Variants in GABBR1 observed in about 807,000 individuals in gnomAD.
GABBR1 encodes the protein gamma-aminobutyric acid type B receptor subunit 1.
GABBR1 carries 35 observed loss-of-function variants against 117.7 expected under a neutral mutation model. The observed-to-expected ratio is 0.30, with a 90% CI of 0.23 to 0.39. GABBR1 has a LOEUF of 0.39. Ranked by LOEUF, GABBR1 falls within the 10% of genes least tolerant of loss-of-function variation. The pLI is 1.00. For missense variants in GABBR1, 709 were observed against 1,241.8 expected (o/e 0.57, Z 6.45); for synonymous variants, 442 against 486.6 (o/e 0.91, Z 1.21).
rs1263597375 is a variant in GABBR1 at position 29,622,525 on chromosome 6, G to C, written c.964-320C>G. Reference sequence around the variant, plus strand: ...CATAAAGGAACCAGGAAAAGACAAGGCAAGGACTGGGACAGACAGCATGAT... The same window carrying C: ...CATAAAGGAACCAGGAAAAGACAAGCCAAGGACTGGGACAGACAGCATGAT... On this transcript the variant is annotated intron_variant, in intron 8 of 22. Coordinates refer to ENST00000377034, the MANE Select transcript of GABBR1 (RefSeq NM_001470.4). This position sits in a 1 kb window ranked among gnomAD's most constrained non-coding sequence, Gnocchi z 4.6. The C allele has an allele frequency of 1.4e-5, 5 of 362,374 alleles. No homozygotes were observed. The highest frequency in any genetic ancestry group is 1.0e-4 in the East Asian group (2 of 19,906). The allele number at this position is 362,374 out of a possible 1,614,324, so 22.4% of individuals were successfully genotyped here.
Position 29,630,310 on chromosome 6 carries a change from G to C in GABBR1, c.475+148C>G. The stretch of plus-strand genomic sequence containing the variant: ...AAGAGGAAGTTTGAGGCAGGTGATG[G>C]AGGAAAAAGGGACTTTCATCTCCCC... On this transcript the variant is annotated intron_variant, in intron 4 of 22. Transcript: ENST00000377034. This position sits in a 1 kb window ranked among gnomAD's most constrained non-coding sequence, Gnocchi z 4.9. 3.0e-6 allele frequency: 2 copies of C among 658,952 alleles called. No individual in the cohort carries two copies. Among genetic ancestry groups the C allele is most frequent in the Non-Finnish European group, 5.1e-6 (2 of 392,834 alleles). 40.8% of individuals were successfully genotyped at this position (658,952 alleles called of 1,614,324 possible).
chr6:29,612,222 T>A (rs2057009), intron 13 of GABBR1, among the ~76,000 whole-genome samples: 25,089 of 150,568 alleles, frequency 0.17, 2,365 homozygotes, highest in Middle Eastern at 0.34. Context: ...CATGTTGGTC[T>A]GGCTGGTCTC....
chr6:29,613,663 G>A lies in GABBR1; in HGVS notation c.1324-178C>T, dbSNP rs1014841511. On this transcript the variant is annotated intron_variant, in intron 11 of 22. Transcript: ENST00000377034. This position sits in a 1 kb window ranked among gnomAD's most constrained non-coding sequence, Gnocchi z 4.1. ...TATACCCATGTGTCTGCCTTAGATC[G>A]GAAGCTACTAGACTAGAGTAGGTAT... Among the ~76,000 whole-genome samples the A allele has an allele frequency of 6.6e-6, 1 of 152,178 alleles. No individual in the cohort carries two copies. The highest frequency in any genetic ancestry group is 1.5e-5 in the Non-Finnish European group (1 of 68,028).
intron 11 of GABBR1, among the ~76,000 whole-genome samples, chr6:29,614,561 A>ACTGGGCTTTGAAGGAGC (rs1165925371): frequency 6.6e-6 from 1 of 152,240 alleles, no homozygotes; most frequent in Non-Finnish European, 1.5e-5. Flanking sequence ...TTGCTACTAC[A>ACTGGGCTTTGAAGGAGC]CTGGGCTTTG....
chr6:29,606,759 G>A lies in GABBR1; in HGVS notation c.2217+138C>T. 1 of 720,966 alleles carries A rather than the reference G, an allele frequency of 1.4e-6. No homozygotes were observed. The highest frequency in any genetic ancestry group is 2.3e-6 in the Non-Finnish European group (1 of 432,306). 44.7% of individuals were successfully genotyped at this position (720,966 alleles called of 1,614,324 possible). On this transcript the variant is annotated intron_variant, in intron 18 of 22. Transcript: ENST00000377034. This position sits in a 1 kb window ranked among gnomAD's most constrained non-coding sequence, Gnocchi z 4.5. ...CCTATGAGGGGCTCCTTCTAGGAAG[G>A]AAAGGAAGAGCTTCCAATACGAGGA...
chr6:29,605,695 G>A lies in GABBR1; in HGVS notation c.2313C>T (p.Gly771=), dbSNP rs1051840475. Residue 771 remains glycine, a splice_region_variant and synonymous_variant, in exon 20 of 23, where the codon GGC becomes GGT. Transcript: ENST00000377034. This position sits in a 1 kb window ranked among gnomAD's most constrained non-coding sequence, Gnocchi z 4.2. ...GCAGCCCCTTGTAACCATAGAAAAT[G>A]CCTAGGATGGCAGGAGAGAGTCACT... ...CSSRKMNTWL[G]IFYGYKGLLL... 6.2e-7 allele frequency: 1 copy of A among 1,612,036 alleles called. No homozygotes were observed. Among genetic ancestry groups the A allele is most frequent in the Non-Finnish European group, 8.5e-7 (1 of 1,179,944 alleles).
In GABBR1 at chr6:29,609,256, G is replaced by A; in HGVS notation, c.1832C>T (p.Ser611Phe). The change falls in exon 15 of 23, where the codon TCC becomes TTC. Residue 611 changes from serine to phenylalanine, a missense_variant. Physicochemically the swap from Ser to Phe is radical, Grantham distance 155. This residue lies in a region of GABBR1 where 251 missense variants were observed against 445.3 expected (regional missense o/e 0.56). Coordinates refer to ENST00000377034, the MANE Select transcript of GABBR1 (RefSeq NM_001470.4). This position sits in a 1 kb window ranked among gnomAD's most constrained non-coding sequence, Gnocchi z 4.3. ...LGIVLAVVCL[S>F]FNIYNSHVRY... ...GACATGTGAGTTGTAGATGTTAAAG[G>A]ACAGACAGACAACAGCTAGGACAAT... is the stretch of plus-strand genomic sequence containing the variant. 6.2e-7 allele frequency: 1 copy of A among 1,612,986 alleles called. No individual in the cohort carries two copies. Among genetic ancestry groups the A allele is most frequent in the Non-Finnish European group, 8.5e-7 (1 of 1,179,978 alleles).
chr6:29,618,305 C>G (rs767881176), intron 11 of GABBR1, among the ~76,000 whole-genome samples: 8 of 152,200 alleles, frequency 5.3e-5, no homozygotes, highest in African/African-American at 1.9e-4. Flanking sequence ...ACCACTAACA[C>G]GCCTAACCAC....
intron 11 of GABBR1, among the ~76,000 whole-genome samples, chr6:29,616,276 AGGAGAATC>A (rs371052425): frequency 0.17 from 25,323 of 151,232 alleles, 2,360 homozygotes; most frequent in Middle Eastern, 0.33. Context: ...AGGCTGAGGC[AGGAGAATC>A]GGAGAATCGC....
chr6:29,607,871 A>G lies in GABBR1; in HGVS notation c.1993-653T>C, dbSNP rs1762123661. Among the ~76,000 whole-genome samples, 1 of 152,204 alleles carries G rather than the reference A, an allele frequency of 6.6e-6. No homozygotes were observed. Among genetic ancestry groups the G allele is most frequent in the Non-Finnish European group, 1.5e-5 (1 of 68,040 alleles). On this transcript the variant is annotated intron_variant, in intron 16 of 22. Transcript: ENST00000377034. The surrounding 1 kb of genome is among the most constrained non-coding windows in gnomAD (Gnocchi z 5.0). Reference sequence around the variant, plus strand: ...ACTCTGGAACCTCTCCTATTGCACTACAGCTAATTGTCTGCTTCTCCAGCT... The same window carrying G: ...ACTCTGGAACCTCTCCTATTGCACTGCAGCTAATTGTCTGCTTCTCCAGCT...
Position 29,607,984 on chromosome 6 carries a change from G to A in GABBR1, c.1992+617C>T, listed in dbSNP as rs1762133293. ...TGCCATGTGCACAGATGTATGATCAGGACAGCACAGAGCAGAGGAAAAAGA... is the reference window on the plus strand; with the variant it reads ...TGCCATGTGCACAGATGTATGATCAAGACAGCACAGAGCAGAGGAAAAAGA... On this transcript the variant is annotated intron_variant, in intron 16 of 22. Coordinates refer to ENST00000377034, the MANE Select transcript of GABBR1 (RefSeq NM_001470.4). The surrounding 1 kb of genome is among the most constrained non-coding windows in gnomAD (Gnocchi z 5.0). 6.6e-6 allele frequency among the ~76,000 whole-genome samples: 1 copy of A among 152,220 alleles called. No homozygotes were observed. Among genetic ancestry groups the A allele is most frequent in the African/African-American group, 2.4e-5 (1 of 41,458 alleles).
rs1477577288 is a variant in GABBR1, at chr6:29,607,357, T to A, written c.1993-139A>T. 1.5e-6 allele frequency: 1 copy of A among 688,658 alleles called. No individual in the cohort carries two copies. Among genetic ancestry groups the A allele is most frequent in the Non-Finnish European group, 2.6e-6 (1 of 389,100 alleles). 42.7% of individuals were successfully genotyped at this position (688,658 alleles called of 1,614,324 possible). Reference sequence around the variant, plus strand: ...TGGTGGCACAGGGAGGATGCGAAAATGTGAGCAGGACGGGGAGCGGCAGGA... The same window carrying A: ...TGGTGGCACAGGGAGGATGCGAAAAAGTGAGCAGGACGGGGAGCGGCAGGA... On this transcript the variant is annotated intron_variant, in intron 16 of 22. Transcript: ENST00000377034. The surrounding 1 kb of genome is among the most constrained non-coding windows in gnomAD (Gnocchi z 5.0).
rs565141087 is a variant in GABBR1, at chr6:29,622,381, T to A, written c.964-176A>T. 2 of 601,368 alleles carry A rather than the reference T, an allele frequency of 3.3e-6. No homozygotes were observed. The highest frequency in any genetic ancestry group is 4.1e-5 in the South Asian group (2 of 49,122). 37.3% of individuals were successfully genotyped at this position (601,368 alleles called of 1,614,324 possible). A position where few individuals can be genotyped will look rare whatever the true frequency, so the allele number is the denominator to read the frequency against. On this transcript the variant is annotated intron_variant, in intron 8 of 22. Transcript: ENST00000377034. This position sits in a 1 kb window ranked among gnomAD's most constrained non-coding sequence, Gnocchi z 4.6. ...GTGAGGAGTTCGGGAAGGCATCTGG[T>A]CTTAGGATGTGGATTCCAAGTGGGA...
intron 4 of GABBR1, 78 bp from the exon 5 acceptor site, chr6:29,629,185 C>T (rs1764702986): frequency 6.6e-7 from 1 of 1,509,078 alleles, no homozygotes; most frequent in Non-Finnish European, 9.2e-7. Flanking sequence ...CCAGCCCCCT[C>T]CCACACCTGT....
chr6:29,630,712 G>T lies in GABBR1; in HGVS notation c.290-69C>A. 1.4e-6 allele frequency: 2 copies of T among 1,389,036 alleles called. No homozygotes were observed. The highest frequency in any genetic ancestry group is 2.0e-6 in the Non-Finnish European group (2 of 1,004,002). 86.0% of individuals were successfully genotyped at this position (1,389,036 alleles called of 1,614,324 possible). ...GGCTCTTTCCCTTTAAAGAGCAGGGGACTCAGGTGCAGGTTTGGGTCCACA... is the reference window on the plus strand; with the variant it reads ...GGCTCTTTCCCTTTAAAGAGCAGGGTACTCAGGTGCAGGTTTGGGTCCACA... On this transcript the variant is annotated intron_variant, in intron 3 of 22. Transcript: ENST00000377034. This position sits in a 1 kb window ranked among gnomAD's most constrained non-coding sequence, Gnocchi z 4.9.
chr6:29,627,472 A>AG lies in GABBR1; in HGVS notation c.657+13_657+14insC. On this transcript the variant is annotated intron_variant, in intron 6 of 22. Coordinates refer to ENST00000377034, the MANE Select transcript of GABBR1 (RefSeq NM_001470.4). The surrounding 1 kb of genome is among the most constrained non-coding windows in gnomAD (Gnocchi z 4.4). Reference sequence around the variant, plus strand: ...AAGCCCCCACCTCCCACCCACCCCCATGTCCAGGGCTACCTTGCTGTCGTG... The same window carrying AG: ...AAGCCCCCACCTCCCACCCACCCCCAGTGTCCAGGGCTACCTTGCTGTCGTG... 3.9e-5 allele frequency: 14 copies of AG among 362,820 alleles called. No homozygotes were observed. Among genetic ancestry groups the AG allele is most frequent in the Non-Finnish European group, 5.1e-5 (11 of 214,300 alleles). 22.5% of individuals were successfully genotyped at this position (362,820 alleles called of 1,614,324 possible). A position where few individuals can be genotyped will look rare whatever the true frequency, so the allele number is the denominator to read the frequency against.
chr6:29,605,252 C>G lies in GABBR1; in HGVS notation c.2440-264G>C, dbSNP rs117261919. 3 of 554,188 alleles carry G rather than the reference C, an allele frequency of 5.4e-6. No individual in the cohort carries two copies. Among genetic ancestry groups the G allele is most frequent in the Non-Finnish European group, 9.4e-6 (3 of 318,830 alleles). The allele number at this position is 554,188 out of a possible 1,614,324, so 34.3% of individuals were successfully genotyped here. A position where few individuals can be genotyped will look rare whatever the true frequency, so the allele number is the denominator to read the frequency against. On this transcript the variant is annotated intron_variant, in intron 20 of 22. Coordinates refer to ENST00000377034, the MANE Select transcript of GABBR1 (RefSeq NM_001470.4). This position sits in a 1 kb window ranked among gnomAD's most constrained non-coding sequence, Gnocchi z 4.2. ...GCACAGATTCCGGGTCCTCCAGAGTCGGTCCCTGGCAGGAAATGTCAATAG... is the reference window on the plus strand; with the variant it reads ...GCACAGATTCCGGGTCCTCCAGAGTGGGTCCCTGGCAGGAAATGTCAATAG...
chr6:29,612,095 G>C (rs569658732), intron 13 of GABBR1, among the ~76,000 whole-genome samples: 4 of 152,068 alleles, frequency 2.6e-5, no homozygotes, highest in Non-Finnish European at 4.4e-5. Flanking sequence ...TCTGCCTCCT[G>C]GGTTCAAGTG....
Position 29,627,458 on chromosome 6 carries a change from T to TCCCCCC in GABBR1, c.657+27_657+28insGGGGGG. On this transcript the variant is annotated intron_variant, in intron 6 of 22. Transcript: ENST00000377034. The surrounding 1 kb of genome is among the most constrained non-coding windows in gnomAD (Gnocchi z 4.4). The stretch of plus-strand genomic sequence containing the variant: ...GCCCCCTGCCCCGCAAGCCCCCACC[T>TCCCCCC]CCCACCCACCCCCATGTCCAGGGCT... The TCCCCCC allele has an allele frequency of 7.8e-5, 32 of 409,604 alleles. No individual in the cohort carries two copies. The highest frequency in any genetic ancestry group is 3.6e-4 in the South Asian group (13 of 36,600). 25.4% of individuals were successfully genotyped at this position (409,604 alleles called of 1,614,324 possible).
Sources: allele counts gnomAD v4.1 joint callset (sites outside exome capture counted in the v4.1 genomes callset), GRCh38; gene constraint gnomAD v4.1.1; regional missense constraint gnomAD v4.1.1; non-coding constraint Gnocchi (gnomAD v3.1); transcripts MANE v1.5; gene names NCBI Gene and HGNC (gene_info 2026-07-23, HGNC 2026-07-21).